The following CDH18 variants were observed in gnomAD, a reference collection of about 807,000 sequenced individuals.
CDH18 encodes cadherin 18, also known as cadherin-18.
In CDH18, 31 loss-of-function variants were observed where a neutral mutation model predicts 67.9. The observed-to-expected ratio is 0.46, with a 90% CI of 0.34 to 0.62. The LOEUF (loss-of-function observed/expected upper bound fraction) is 0.62, where lower values mean the gene tolerates loss of function less well. Among genes scored for constraint, CDH18 ranks in the 20% least tolerant of loss-of-function variants. The pLI, the probability that CDH18 is intolerant of heterozygous loss-of-function variation, is 0.01. For missense variants in CDH18, 890 were observed against 975.5 expected, an observed-to-expected ratio of 0.91 and a Z score of 1.17; for synonymous variants, 362 against 347.2, an observed-to-expected ratio of 1.04 and a Z score of -0.48.
chr5:20,220,704 A>G (rs971274199), intron 2 of CDH18, among the ~76,000 whole-genome samples: 1 of 152,046 alleles, frequency 6.6e-6, no homozygotes, highest in Non-Finnish European at 1.5e-5. Context: ...AGAATGGGGG[A>G]AAATATTTGC....
intron 12 of CDH18, among the ~76,000 whole-genome samples, chr5:19,480,783 C>T (rs761321861): frequency 6.6e-6 from 1 of 152,038 alleles, no homozygotes; most frequent in African/African-American, 2.4e-5. Flanking sequence ...CAGAGTCTCA[C>T]TCTGTCACCC....
chr5:19,722,973 G>T (rs1486267886), intron 4 of CDH18, among the ~76,000 whole-genome samples: 1 of 152,144 alleles, frequency 6.6e-6, no homozygotes, highest in African/African-American at 2.4e-5. Flanking sequence ...GCTCATGCCT[G>T]TAATCACAGC....
chr5:19,836,495 GCC>G (rs1299886863), intron 3 of CDH18, among the ~76,000 whole-genome samples: 3 of 152,072 alleles, frequency 2.0e-5, no homozygotes, highest in African/African-American at 4.8e-5. Flanking sequence ...CATATCCTTT[GCC>G]TACTTTTTGA....
chr5:20,197,734 T>C, intron 2 of CDH18, among the ~76,000 whole-genome samples: 1 of 152,204 alleles, frequency 6.6e-6, no homozygotes, highest in Non-Finnish European at 1.5e-5. Context: ...TGTTACATTG[T>C]AAGGTAAAAG....
chr5:19,601,657 T>C (rs1418238864), intron 6 of CDH18, among the ~76,000 whole-genome samples: 1 of 151,790 alleles, frequency 6.6e-6, no homozygotes, highest in African/African-American at 2.4e-5. Context: ...TAATAGAAAA[T>C]TAAAAACCAA....
intron 3 of CDH18, among the ~76,000 whole-genome samples, chr5:19,748,112 CAAAAA>C (rs766955714): frequency 6.7e-4 from 10 of 14,860 alleles, no homozygotes; most frequent in Admixed American, 1.9e-3. Flanking sequence ...GACTCCATCT[CAAAAA>C]AAAAAAAAAA....
chr5:20,216,758 C>T (rs571443414), intron 2 of CDH18, among the ~76,000 whole-genome samples: 52 of 151,852 alleles, frequency 3.4e-4, no homozygotes, highest in Admixed American at 1.6e-3. Flanking sequence ...TCAAGAGCAA[C>T]GACAAAACAA....
intron 2 of CDH18, among the ~76,000 whole-genome samples, chr5:20,167,004 G>A (rs995812049): frequency 2.0e-5 from 3 of 152,114 alleles, no homozygotes; most frequent in Non-Finnish European, 4.4e-5. Context: ...GAATAATGGG[G>A]AGAAATGATA....
intron 1 of CDH18, among the ~76,000 whole-genome samples, chr5:20,353,708 C>T (rs1434860649): frequency 6.6e-6 from 1 of 152,154 alleles, no homozygotes; most frequent in African/African-American, 2.4e-5. Context: ...AGCAATCAGC[C>T]ATTACCACCT....
intron 2 of CDH18, among the ~76,000 whole-genome samples, chr5:19,979,182 A>T (rs1035804361): frequency 2.0e-5 from 3 of 151,508 alleles, no homozygotes; most frequent in African/African-American, 7.3e-5. Flanking sequence ...CAGTGTGATT[A>T]TAAAGTCATA....
intron 1 of CDH18, among the ~76,000 whole-genome samples, chr5:20,482,447 C>T (rs1403183130): frequency 6.6e-6 from 1 of 151,874 alleles, no homozygotes; most frequent in Non-Finnish European, 1.5e-5. Context: ...GCCAGTAATA[C>T]CCTGATACCA....
chr5:20,225,736 C>T lies in CDH18; in HGVS notation c.-518+29708G>A, dbSNP rs184099146. On this transcript the variant is annotated intron_variant, in intron 2 of 14. Coordinates refer to the CDH18 transcript ENST00000507958. ...TACTTTGTATGGAAAAAATAAGATTCCTGGGAGCAAAATGGATGCCTACAG... is the reference window on the plus strand; with the variant it reads ...TACTTTGTATGGAAAAAATAAGATTTCTGGGAGCAAAATGGATGCCTACAG... Among the ~76,000 whole-genome samples, 3 of 152,116 alleles carry T rather than the reference C, an allele frequency of 2.0e-5. No homozygotes were observed. The East Asian group carries it at 5.8e-4, about 29-fold the overall frequency.
intron 7 of CDH18, among the ~76,000 whole-genome samples, chr5:19,590,170 A>C (rs1043985178): frequency 2.6e-5 from 4 of 152,092 alleles, no homozygotes; most frequent in African/African-American, 9.7e-5. Flanking sequence ...AAATAAATAC[A>C]TTTGTTAAAT....
chr5:19,752,700 A>G (rs1011629890), intron 3 of CDH18, among the ~76,000 whole-genome samples: 4 of 152,158 alleles, frequency 2.6e-5, no homozygotes, highest in Admixed American at 2.6e-4. Context: ...GGAAAGCACC[A>G]CCTCCTGGCA....
intron 1 of CDH18, among the ~76,000 whole-genome samples, chr5:20,326,537 CTT>C (rs372636215): frequency 1.1e-4 from 15 of 134,094 alleles, no homozygotes; most frequent in African/African-American, 1.4e-4. Context: ...AACATATTTA[CTT>C]TTTTTTTTTT....
chr5:19,953,025 C>T (rs959297088), intron 2 of CDH18, among the ~76,000 whole-genome samples: 3 of 152,034 alleles, frequency 2.0e-5, no homozygotes, highest in African/African-American at 7.2e-5. Flanking sequence ...AAAGCAATTA[C>T]TTGGGTGATA....
chr5:20,421,366 G>GTT lies in CDH18; in HGVS notation c.-580+154094_-580+154095dup, dbSNP rs58998709. Among the ~76,000 whole-genome samples, 533 of 146,482 alleles carry GTT rather than the reference G, an allele frequency of 3.6e-3. 32 individuals are homozygous for GTT. Among genetic ancestry groups the GTT allele is most frequent in the African/African-American group, 0.013 (492 of 38,672 alleles). On this transcript the variant is annotated intron_variant, in intron 1 of 14. Coordinates refer to the CDH18 transcript ENST00000507958. ...TGACGATTGAGAAAACAATCACTTG[G>GTT]TTTTTTTTTTTATGCTCTTTCAGAT... is the stretch of plus-strand genomic sequence containing the variant.
chr5:20,503,551 T>C (rs1754466955), intron 1 of CDH18, among the ~76,000 whole-genome samples: 13 of 152,166 alleles, frequency 8.5e-5, no homozygotes, highest in Admixed American at 8.5e-4. Flanking sequence ...TCTCTACTCA[T>C]ATATCAGAAA....
intron 9 of CDH18, among the ~76,000 whole-genome samples, chr5:19,542,975 C>T (rs1165735161): frequency 1.3e-5 from 2 of 151,930 alleles, no homozygotes; most frequent in Non-Finnish European, 2.9e-5. Context: ...GAAAGAAAAA[C>T]AGAACGTGAT....
Sources: gnomAD v4.1 joint callset for allele counts (sites outside exome capture counted in the v4.1 genomes callset) on GRCh38, gnomAD v4.1.1 for gene constraint, MANE v1.5 for transcripts, NCBI Gene and HGNC (gene_info 2026-07-23, HGNC 2026-07-21) for gene names.